The following PEDS1 variants were observed in gnomAD, a reference collection of about 807,000 sequenced individuals.
PEDS1 encodes plasmanylethanolamine desaturase 1, also known as CarF homolog.
In PEDS1, 14 loss-of-function variants were observed where a neutral mutation model predicts 35.2. The ratio of observed to expected loss-of-function variants is 0.40; its 90% confidence interval spans 0.26 to 0.62. The LOEUF is 0.62. Ranked by LOEUF, PEDS1 falls within the 20% of genes least tolerant of loss-of-function variation. The pLI, the probability that PEDS1 is intolerant of heterozygous loss-of-function variation, is 0.44. For missense variants in PEDS1, 260 were observed against 367.8 expected (o/e 0.71, Z 2.40); for synonymous variants, 152 against 152.0 (o/e 1.00, Z 0.00).
chr20:50,153,506 A>C lies in PEDS1; in HGVS notation c.121+11T>G, dbSNP rs904904698. ...TGACCGCAGGCCTGGAGGGGGGCCC[A>C]GAGGTCTTACCTGGCGAGTAGAGCG... is the stretch of plus-strand genomic sequence containing the variant. On this transcript the variant is annotated intron_variant, in intron 1 of 5. Coordinates refer to ENST00000371652, the MANE Select transcript of PEDS1 (RefSeq NM_199129.4). 1 of 1,373,946 alleles carries C rather than the reference A, an allele frequency of 7.3e-7. No homozygotes were observed. The highest frequency in any genetic ancestry group is 9.5e-7 in the Non-Finnish European group (1 of 1,055,416). 85.1% of individuals were successfully genotyped at this position (1,373,946 alleles called of 1,614,324 possible).
In PEDS1 at chr20:50,142,690, C is replaced by G. The variant is rs187224547; in HGVS notation, c.241+812G>C. Among the ~76,000 whole-genome samples, 126 of 97,528 alleles carry G rather than the reference C, an allele frequency of 1.3e-3. 8 individuals carry two copies. The highest frequency in any genetic ancestry group is 4.0e-3 in the Middle Eastern group (1 of 248). The allele number at this position is 97,528 out of a possible 152,430, so 64.0% of individuals were successfully genotyped here. ...CTGACCTCAAGTCATCCGCCCCCCC[C>G]CCCCCGCCCCAACGGCCTCCCACAG... On this transcript the variant is annotated intron_variant, in intron 2 of 5. Transcript: ENST00000371652.
At chr20:50,147,921 T>C (rs1266180597) in intron 1 of PEDS1, among the ~76,000 whole-genome samples, 2 of 151,984 alleles carry the variant, frequency 1.3e-5, no homozygotes, top group Non-Finnish European at 2.9e-5. Context: ...CCAGGTGTGG[T>C]GGTGTGCACC....
rs112531057 is a variant in PEDS1, at chr20:50,153,518, T to C, written c.120A>G (p.Pro40=). The C allele has an allele frequency of 1.4e-6, 2 of 1,404,316 alleles. No individual in the cohort carries two copies. Among genetic ancestry groups the C allele is most frequent in the Non-Finnish European group, 1.9e-6 (2 of 1,072,492 alleles). 87.0% of individuals were successfully genotyped at this position (1,404,316 alleles called of 1,614,324 possible). Residue 40 remains proline, a splice_region_variant and synonymous_variant, in exon 1 of 6, where the codon CCA becomes CCG. Coordinates refer to ENST00000371652, the MANE Select transcript of PEDS1 (RefSeq NM_199129.4). Reference sequence around the variant, plus strand: ...TGGAGGGGGGCCCAGAGGTCTTACCTGGCGAGTAGAGCGCAGCCAGCTCGC... The same window carrying C: ...TGGAGGGGGGCCCAGAGGTCTTACCCGGCGAGTAGAGCGCAGCCAGCTCGC... ...GARELAALYS[P]GKRLQEWCSV...
Position 50,130,958 on chromosome 20 carries a change from G to C in PEDS1, c.242-11C>G. On this transcript the variant is annotated splice_polypyrimidine_tract_variant and intron_variant, in intron 2 of 5. Coordinates refer to ENST00000371652, the MANE Select transcript of PEDS1 (RefSeq NM_199129.4). ...TGAGAGCCCCTGCAACTGTGGACAA[G>C]AGGGTGAGTGAAGGGACATCCCTGC... is the stretch of plus-strand genomic sequence containing the variant. The C allele has an allele frequency of 6.2e-7, 1 of 1,614,194 alleles. No homozygotes were observed. The highest frequency in any genetic ancestry group is 8.5e-7 in the Non-Finnish European group (1 of 1,180,030).
At chr20:50,138,095 A>G (rs958686161) in intron 2 of PEDS1, among the ~76,000 whole-genome samples, 23 of 152,218 alleles carry the variant, frequency 1.5e-4, no homozygotes, top group African/African-American at 5.3e-4. Flanking sequence ...TGAATAATGG[A>G]GGAAACTGCG....
intron 2 of PEDS1, among the ~76,000 whole-genome samples, chr20:50,133,525 G>A (rs1462775431): frequency 6.6e-6 from 1 of 152,114 alleles, no homozygotes; most frequent in Non-Finnish European, 1.5e-5. Flanking sequence ...GGGCAGTCTT[G>A]CCCATTTGTG....
chr20:50,143,361 A>G, intron 2 of PEDS1, 141 bp downstream of exon 2: 1 of 1,378,584 alleles, frequency 7.3e-7, no homozygotes. Flanking sequence ...GCTGACTGCA[A>G]TAGGGAGGTG....
intron 1 of PEDS1, 121 bp downstream of exon 1, chr20:50,153,396 C>A (rs2147315437): frequency 1.6e-6 from 2 of 1,226,748 alleles, no homozygotes; most frequent in Non-Finnish European, 1.0e-6. Flanking sequence ...TTGCTATTTG[C>A]AAGTTAGACA....
intron 2 of PEDS1, among the ~76,000 whole-genome samples, chr20:50,133,089 G>C (rs1312277086): frequency 6.6e-6 from 1 of 152,180 alleles, no homozygotes; most frequent in East Asian, 1.9e-4. Flanking sequence ...GGGGACCAGG[G>C]TCTTGGGGGT....
intron 1 of PEDS1, chr20:50,151,216 A>C (rs1000981473): frequency 1.0e-5 from 13 of 1,302,272 alleles, no homozygotes; most frequent in Middle Eastern, 4.3e-4. Context: ...CCCTACCTCC[A>C]GGTCTGGAGG....
chr20:50,138,455 A>G (rs998338948), intron 2 of PEDS1, among the ~76,000 whole-genome samples: 6 of 152,234 alleles, frequency 3.9e-5, no homozygotes, highest in Non-Finnish European at 5.9e-5. Flanking sequence ...GCTGCTGGGT[A>G]AAGGGCCCGG....
chr20:50,125,187 A>G lies in PEDS1; in HGVS notation c.692-8T>C. On this transcript the variant is annotated splice_polypyrimidine_tract_variant and splice_region_variant and intron_variant, in intron 5 of 5. Coordinates refer to ENST00000371652, the MANE Select transcript of PEDS1 (RefSeq NM_199129.4). ...GAGGGTAGTTGAGCCAGCCTGCAGTAGAAATGGCAGCGGGAGTTTGAATGG... is the reference window on the plus strand; with the variant it reads ...GAGGGTAGTTGAGCCAGCCTGCAGTGGAAATGGCAGCGGGAGTTTGAATGG... The G allele has an allele frequency of 6.2e-7, 1 of 1,613,306 alleles. No homozygotes were observed. The highest frequency in any genetic ancestry group is 1.3e-5 in the African/African-American group (1 of 75,032).
intron 5 of PEDS1, among the ~76,000 whole-genome samples, chr20:50,127,728 T>C (rs959599146): frequency 3.9e-5 from 6 of 152,164 alleles, no homozygotes; most frequent in African/African-American, 1.4e-4. Context: ...TACGGGATGA[T>C]GGGTGGCTGG....
chr20:50,125,184 A>G lies in PEDS1; in HGVS notation c.692-5T>C. 6.2e-7 allele frequency: 1 copy of G among 1,613,452 alleles called. No homozygotes were observed. ...CCAGAGGGTAGTTGAGCCAGCCTGC[A>G]GTAGAAATGGCAGCGGGAGTTTGAA... On this transcript the variant is annotated splice_polypyrimidine_tract_variant and splice_region_variant and intron_variant, in intron 5 of 5. Transcript: ENST00000371652.
chr20:50,141,932 T>C (rs1251177823), intron 2 of PEDS1, among the ~76,000 whole-genome samples: 1 of 152,166 alleles, frequency 6.6e-6, no homozygotes, highest in African/African-American at 2.4e-5. Context: ...TTGTGGGAGT[T>C]GAACCCTTAG....
At chr20:50,144,323 C>G (rs900027244) in intron 1 of PEDS1, among the ~76,000 whole-genome samples, 2 of 152,140 alleles carry the variant, frequency 1.3e-5, no homozygotes, top group African/African-American at 2.4e-5. Flanking sequence ...CACTTGTCCC[C>G]TTTTGCAGGT....
chr20:50,151,433 G>T, intron 1 of PEDS1: 5 of 560,896 alleles, frequency 8.9e-6, no homozygotes, highest in Admixed American at 4.7e-5. Context: ...AAGTAGGTAG[G>T]GTTCACAGGA....
chr20:50,129,013 G>T lies in PEDS1; in HGVS notation c.478+533C>A, dbSNP rs1016199781. Among the ~76,000 whole-genome samples, 2 of 152,244 alleles carry T rather than the reference G, an allele frequency of 1.3e-5. No individual in the cohort carries two copies. Among genetic ancestry groups the T allele is most frequent in the East Asian group, 3.8e-4 (2 of 5,196 alleles). Reference sequence around the variant, plus strand: ...CGGAGGCTGCCTGAAGAACAAATGGGTGTTAAGGTGCTGGAACAGGACCGG... The same window carrying T: ...CGGAGGCTGCCTGAAGAACAAATGGTTGTTAAGGTGCTGGAACAGGACCGG... On this transcript the variant is annotated intron_variant, in intron 4 of 5. Transcript: ENST00000371652. This position sits in a 1 kb window ranked among gnomAD's most constrained non-coding sequence, Gnocchi z 4.2.
chr20:50,147,126 C>G (rs1201721485), intron 1 of PEDS1, among the ~76,000 whole-genome samples: 1 of 152,154 alleles, frequency 6.6e-6, no homozygotes, highest in Non-Finnish European at 1.5e-5. Context: ...TAACAGTTAC[C>G]CTAACAATGG....
Sources: gnomAD v4.1 joint callset for allele counts (sites outside exome capture counted in the v4.1 genomes callset) on GRCh38, gnomAD v4.1.1 for gene constraint, Gnocchi (gnomAD v3.1) non-coding constraint, MANE v1.5 for transcripts, NCBI Gene and HGNC (gene_info 2026-07-23, HGNC 2026-07-21) for gene names.